Variants in PDGFD observed in about 807,000 individuals in gnomAD.
The protein encoded by PDGFD is platelet derived growth factor D.
Under a neutral mutation model 44.7 loss-of-function variants are expected in PDGFD, and 30 were observed. That is an observed-to-expected ratio of 0.67 (90% CI 0.50 to 0.91). PDGFD has a LOEUF of 0.91. Ranked by LOEUF, PDGFD falls within the 40% of genes least tolerant of loss-of-function variation. The pLI is 0.00. For synonymous variants in PDGFD, 173 were observed against 168.4 expected (o/e 1.03, Z -0.21); for missense variants, 445 against 457.8 (o/e 0.97, Z 0.25).
intron 3 of PDGFD, among the ~76,000 whole-genome samples, chr11:103,980,966 A>G (rs946929950): frequency 6.6e-6 from 1 of 152,086 alleles, no homozygotes; most frequent in African/African-American, 2.4e-5. Flanking sequence ...ACTTTGTTAT[A>G]ATAGCCTGAA....
rs1310939196 is a variant in PDGFD, at chr11:103,908,698, A to G, written c.*996T>C. The G allele has an allele frequency of 1.3e-5, 2 of 152,228 alleles. No individual in the cohort carries two copies. The highest frequency in any genetic ancestry group is 4.8e-5 in the African/African-American group (2 of 41,458). 9.4% of individuals were successfully genotyped at this position (152,228 alleles called of 1,614,324 possible). A position where few individuals can be genotyped will look rare whatever the true frequency, so the allele number is the denominator to read the frequency against. Reference sequence around the variant, plus strand: ...GTTTGGAGAGTTCGAATCCATTATTAGATATGGATCCTATCAAATATCCCA... The same window carrying G: ...GTTTGGAGAGTTCGAATCCATTATTGGATATGGATCCTATCAAATATCCCA... On this transcript the variant is annotated 3_prime_UTR_variant, in exon 7 of 7. Coordinates refer to ENST00000393158, the MANE Select transcript of PDGFD (RefSeq NM_025208.5).
At chr11:104,127,020 G>A (rs1228201761) in intron 1 of PDGFD, among the ~76,000 whole-genome samples, 1 of 152,000 alleles carries the variant, frequency 6.6e-6, no homozygotes, top group African/African-American at 2.4e-5. Context: ...GGGATACAAG[G>A]CCCTCTAGCA....
At chr11:104,031,499 G>A (rs750515683) in intron 1 of PDGFD, among the ~76,000 whole-genome samples, 5 of 152,204 alleles carry the variant, frequency 3.3e-5, no homozygotes, top group Non-Finnish European at 7.3e-5. Flanking sequence ...AACAACAGAT[G>A]CTGGTGAGGT....
intron 1 of PDGFD, among the ~76,000 whole-genome samples, chr11:104,078,656 T>C (rs1402701611): frequency 1.3e-5 from 2 of 152,236 alleles, no homozygotes; most frequent in African/African-American, 2.4e-5. Context: ...AAAATGCTTA[T>C]GAGTACATTA....
In PDGFD at chr11:103,952,753, A is replaced by ATAACATCTCAATCTGCATTGCCTTAATT. The variant is rs1298832290; in HGVS notation, c.511-5030_511-5029insAATTAAGGCAATGCAGATTGAGATGTTA. Among the ~76,000 whole-genome samples the ATAACATCTCAATCTGCATTGCCTTAATT allele has an allele frequency of 7.6e-4, 116 of 152,340 alleles. 1 individual carries two copies. In the East Asian group the frequency reaches 0.019, roughly 25 times the overall value. On this transcript the variant is annotated intron_variant, in intron 3 of 6. Transcript: ENST00000393158. ...CATCTCAATCTGCATTGCCTTAATTAATAAAATTAATTTATACCATTAAAA... is the reference window on the plus strand; with the variant it reads ...CATCTCAATCTGCATTGCCTTAATTATAACATCTCAATCTGCATTGCCTTAATTATAAAATTAATTTATACCATTAAAA...
intron 3 of PDGFD, among the ~76,000 whole-genome samples, chr11:103,956,462 A>T (rs555669262): frequency 2.1e-5 from 1 of 46,878 alleles, no homozygotes; most frequent in African/African-American, 2.5e-4. Flanking sequence ...AGTCTATCAC[A>T]TAAGGACATT....
chr11:104,015,880 G>A (rs34946134), intron 1 of PDGFD, among the ~76,000 whole-genome samples: 2,896 of 152,234 alleles, frequency 0.019, 41 homozygotes, highest in Non-Finnish European at 0.03. Context: ...AGCTCACGTG[G>A]AAACAACATT....
chr11:104,036,841 T>C, intron 1 of PDGFD: 2 of 1,614,008 alleles, frequency 1.2e-6, no homozygotes, highest in South Asian at 2.2e-5. Flanking sequence ...CACCGTGTAC[T>C]GCGTGCGGAG....
At chr11:104,003,870 G>A (rs559499967) in intron 1 of PDGFD, among the ~76,000 whole-genome samples, 1 of 152,264 alleles carries the variant, frequency 6.6e-6, no homozygotes, top group East Asian at 1.9e-4. Flanking sequence ...AGTGGCAGAT[G>A]ACAGAAGGAG....
intron 3 of PDGFD, among the ~76,000 whole-genome samples, chr11:103,968,699 T>C (rs1859055701): frequency 6.6e-6 from 1 of 152,178 alleles, no homozygotes; most frequent in Admixed American, 6.6e-5. Context: ...TGCAGAGCTG[T>C]AGTCGCCTTC....
At chr11:103,990,345 T>G (rs981450164) in intron 3 of PDGFD, among the ~76,000 whole-genome samples, 1 of 152,240 alleles carries the variant, frequency 6.6e-6, no homozygotes, top group Non-Finnish European at 1.5e-5. Flanking sequence ...TCCTAATATT[T>G]CAGGTCTCCA....
At chr11:104,160,919 T>C (rs1862379485) in intron 1 of PDGFD, among the ~76,000 whole-genome samples, 1 of 152,198 alleles carries the variant, frequency 6.6e-6, no homozygotes, top group South Asian at 2.1e-4. Context: ...CATCATTTCT[T>C]AGCTACTCCA....
intron 1 of PDGFD, among the ~76,000 whole-genome samples, chr11:104,031,157 A>G (rs1197143086): frequency 1.3e-5 from 2 of 152,226 alleles, no homozygotes; most frequent in African/African-American, 4.8e-5. Flanking sequence ...TAATTAAGCT[A>G]AAGAGCTTCT....
intron 3 of PDGFD, among the ~76,000 whole-genome samples, chr11:103,955,971 T>C (rs1858838771): frequency 6.6e-6 from 1 of 152,136 alleles, no homozygotes; most frequent in African/African-American, 2.4e-5. Context: ...AGTGTCAAGA[T>C]ATTTTTAAAA....
At chr11:104,003,584 A>G (rs1859651952) in intron 1 of PDGFD, among the ~76,000 whole-genome samples, 1 of 152,266 alleles carries the variant, frequency 6.6e-6, no homozygotes, top group South Asian at 2.1e-4. Context: ...CAGCATGCTA[A>G]GCCTAGAGCC....
chr11:103,956,942 T>C (rs1214976523), intron 3 of PDGFD, among the ~76,000 whole-genome samples: 2 of 152,242 alleles, frequency 1.3e-5, no homozygotes, highest in African/African-American at 4.8e-5. Context: ...GAGTTCATTG[T>C]AGATTCTGGA....
chr11:104,041,021 C>G (rs963397896), intron 1 of PDGFD, among the ~76,000 whole-genome samples: 5 of 152,072 alleles, frequency 3.3e-5, no homozygotes, highest in African/African-American at 1.2e-4. Flanking sequence ...CTTTATCTGA[C>G]ATATTTTAAT....
At chr11:104,078,949 G>A (rs1444433342) in intron 1 of PDGFD, among the ~76,000 whole-genome samples, 2 of 152,068 alleles carry the variant, frequency 1.3e-5, no homozygotes, top group Admixed American at 1.3e-4. Flanking sequence ...CCTCCACTTA[G>A]CAATTGGGTA....
At chr11:104,002,918 A>C (rs1182848175) in intron 1 of PDGFD, among the ~76,000 whole-genome samples, 1 of 152,238 alleles carries the variant, frequency 6.6e-6, no homozygotes, top group African/African-American at 2.4e-5. Flanking sequence ...TATTACTATT[A>C]AATTTTAAAA....
Sources: gnomAD v4.1 joint callset for allele counts (sites outside exome capture counted in the v4.1 genomes callset) on GRCh38, gnomAD v4.1.1 for gene constraint, MANE v1.5 for transcripts, NCBI Gene and HGNC (gene_info 2026-07-23, HGNC 2026-07-21) for gene names.